FCHO2: variants seen among roughly 807,000 people sequenced by gnomAD.
The protein encoded by FCHO2 is F-BAR domain only protein 2.
A neutral mutation model predicts 114.1 loss-of-function variants in FCHO2; 43 were observed. The ratio of observed to expected loss-of-function variants is 0.38; its 90% CI spans 0.30 to 0.49. The LOEUF is 0.49. Ranked by LOEUF, FCHO2 falls within the 20% of genes least tolerant of loss-of-function variation. FCHO2 has a pLI of 0.97. For missense variants in FCHO2, 807 were observed against 950.4 expected, an observed-to-expected ratio of 0.85 and a Z score of 1.98; for synonymous variants, 293 against 315.2, an observed-to-expected ratio of 0.93 and a Z score of 0.75.
At chr5:72,959,887 C>T (rs1186148252) in intron 1 of FCHO2, among the ~76,000 whole-genome samples, 8 of 152,152 alleles carry the variant, frequency 5.3e-5, no homozygotes, top group Non-Finnish European at 1.5e-5. Context: ...TCAAATGATC[C>T]TCCCACCTCA....
rs758027770 is a variant in FCHO2 at position 73,034,652 on chromosome 5, T to C, written c.797-5T>C. ...CTAGAAGTTTTTCAATTTCTTTTTT[T>C]CCAGGCCTCATTGAATTTGAAGAAT... On this transcript the variant is annotated splice_region_variant and splice_polypyrimidine_tract_variant and intron_variant, in intron 8 of 25. Coordinates refer to ENST00000430046, the MANE Select transcript of FCHO2 (RefSeq NM_138782.3). 3 of 1,594,328 alleles carry C rather than the reference T, an allele frequency of 1.9e-6. No homozygotes were observed. The African/African-American group carries it at 4.1e-5, about 22-fold the overall frequency.
chr5:73,074,869 A>C lies in FCHO2; in HGVS notation c.1691+16A>C. On this transcript the variant is annotated intron_variant, in intron 20 of 25. Transcript: ENST00000430046. ...ATCCCACCAAGTTAGTTTTTAAAAT[A>C]TATGCATGTATGTGTATGTATGTGT... The C allele has an allele frequency of 6.3e-7, 1 of 1,593,592 alleles. No homozygotes were observed. The highest frequency in any genetic ancestry group is 8.6e-7 in the Non-Finnish European group (1 of 1,165,902).
At chr5:73,073,139 T>G (rs17730932) in intron 19 of FCHO2, among the ~76,000 whole-genome samples, 19,186 of 151,968 alleles carry the variant, frequency 0.13, 1,546 homozygotes, top group East Asian at 0.35. Flanking sequence ...TTTTCTTGCA[T>G]CCCAAAACTA....
chr5:73,063,957 G>GT lies in FCHO2; in HGVS notation c.1449+19dup. The GT allele has an allele frequency of 5.0e-6, 8 of 1,588,568 alleles. No homozygotes were observed. Among genetic ancestry groups the GT allele is most frequent in the Non-Finnish European group, 6.9e-6 (8 of 1,164,282 alleles). On this transcript the variant is annotated intron_variant, in intron 18 of 25. Transcript: ENST00000430046. ...GATTAATGAAATAGTATGTACTCAGGTTTTTTAAAAATTATTTAACTGTTT... is the reference window on the plus strand; with the variant it reads ...GATTAATGAAATAGTATGTACTCAGGTTTTTTTAAAAATTATTTAACTGTTT...
At chr5:72,956,279 G>A (rs1333222728) in intron 1 of FCHO2, 150 bp downstream of exon 1, 1 of 1,071,032 alleles carries the variant, frequency 9.3e-7, no homozygotes, top group African/African-American at 1.7e-5. Flanking sequence ...GGTCCGGCGG[G>A]CGACCGGTCG....
intron 3 of FCHO2, 82 bp downstream of exon 3, chr5:72,989,583 G>A: frequency 1.0e-6 from 1 of 980,290 alleles, no homozygotes; most frequent in Non-Finnish European, 1.5e-6. Flanking sequence ...GGACATAACA[G>A]TTCAAAAGCA....
chr5:72,989,505 A>T lies in FCHO2; in HGVS notation c.200+4A>T. 1 of 1,594,146 alleles carries T rather than the reference A, an allele frequency of 6.3e-7. No homozygotes were observed. Among genetic ancestry groups the T allele is most frequent in the East Asian group, 2.3e-5 (1 of 44,432 alleles). On this transcript the variant is annotated splice_donor_region_variant and intron_variant, in intron 3 of 25. Coordinates refer to ENST00000430046, the MANE Select transcript of FCHO2 (RefSeq NM_138782.3). ...CAAGCAATTATTCACAACTTGGGTG[A>T]GTTAATTTCTTCCTCTTTTTCAGTG...
chr5:72,959,307 G>A (rs1751724715), intron 1 of FCHO2, among the ~76,000 whole-genome samples: 1 of 152,156 alleles, frequency 6.6e-6, no homozygotes, highest in Admixed American at 6.5e-5. Context: ...AAGAATTGGA[G>A]ACCAGCCTGG....
chr5:73,040,281 C>T (rs547081534), intron 10 of FCHO2, among the ~76,000 whole-genome samples: 3 of 152,140 alleles, frequency 2.0e-5, no homozygotes, highest in African/African-American at 4.8e-5. Context: ...ATTCCTAAAC[C>T]GAAAATCCCA....
chr5:73,028,646 C>CT (rs1177312773), intron 8 of FCHO2, among the ~76,000 whole-genome samples: 18,340 of 112,208 alleles, frequency 0.16, 2,234 homozygotes, highest in East Asian at 0.32. Context: ...TTATATGATT[C>CT]TTTTTTTTTT....
intron 5 of FCHO2, among the ~76,000 whole-genome samples, chr5:72,991,372 A>G (rs1753802784): frequency 6.6e-6 from 1 of 152,256 alleles, no homozygotes; most frequent in African/African-American, 2.4e-5. Flanking sequence ...CCAAAAAACA[A>G]TGATTTTTTA....
At chr5:73,009,823 C>A (rs972010322) in intron 6 of FCHO2, among the ~76,000 whole-genome samples, 1 of 152,096 alleles carries the variant, frequency 6.6e-6, no homozygotes, top group East Asian at 1.9e-4. Context: ...TCACAGGCAC[C>A]GTGCCAGCCC....
chr5:73,028,265 A>C (rs1756046880), intron 8 of FCHO2, among the ~76,000 whole-genome samples: 1 of 152,168 alleles, frequency 6.6e-6, no homozygotes, highest in Admixed American at 6.5e-5. Context: ...ACTCACAAAG[A>C]CTGCTGGTGA....
chr5:72,988,087 G>A (rs1753630836), intron 2 of FCHO2, among the ~76,000 whole-genome samples: 1 of 152,058 alleles, frequency 6.6e-6, no homozygotes, highest in Admixed American at 6.6e-5. Context: ...CCCTATTAAG[G>A]GTAGCACACA....
chr5:72,995,309 G>A (rs1327517460), intron 5 of FCHO2, among the ~76,000 whole-genome samples: 1 of 151,138 alleles, frequency 6.6e-6, no homozygotes, highest in Non-Finnish European at 1.5e-5. Flanking sequence ...AGGCTAGGGT[G>A]CAGTAGCCGC....
intron 12 of FCHO2, among the ~76,000 whole-genome samples, chr5:73,051,967 A>G (rs1041677073): frequency 2.6e-5 from 4 of 151,286 alleles, no homozygotes; most frequent in African/African-American, 9.7e-5. Context: ...TCTGTCACGC[A>G]GGCTGGAGTG....
intron 2 of FCHO2, among the ~76,000 whole-genome samples, chr5:72,983,547 CT>C (rs35592345): frequency 0.02 from 2,252 of 112,894 alleles, 26 homozygotes; most frequent in African/African-American, 0.056. Flanking sequence ...AGTGACAATA[CT>C]TTTTTTTTTT....
chr5:72,990,906 C>A, intron 5 of FCHO2, 42 bp downstream of exon 5: 12 of 1,505,944 alleles, frequency 8.0e-6, no homozygotes, highest in Non-Finnish European at 9.7e-6. Context: ...TTCAAAGCAC[C>A]TTGACATACA....
At chr5:73,065,842 G>A (rs1007513258) in intron 18 of FCHO2, among the ~76,000 whole-genome samples, 1 of 151,850 alleles carries the variant, frequency 6.6e-6, no homozygotes, top group African/African-American at 2.4e-5. Context: ...CATTAACTGA[G>A]TAGTGAATAT....
Sources: allele counts gnomAD v4.1 joint callset (sites outside exome capture counted in the v4.1 genomes callset), GRCh38; gene constraint gnomAD v4.1.1; transcripts MANE v1.5; gene names NCBI Gene and HGNC (gene_info 2026-07-23, HGNC 2026-07-21).